The following MYO9A variants were observed in gnomAD, a reference collection of about 807,000 sequenced individuals.
MYO9A encodes the protein myosin IXA, also known as unconventional myosin-IXa.
In MYO9A, 103 loss-of-function variants were observed where a neutral mutation model predicts 293.3. The ratio of observed to expected loss-of-function variants is 0.35; its 90% confidence interval spans 0.30 to 0.41. MYO9A has a LOEUF of 0.41. Ranked by LOEUF, MYO9A falls within the 10% of genes least tolerant of loss-of-function variation. MYO9A has a pLI of 1.00. For missense variants in MYO9A, 2,685 were observed against 3,033.0 expected (o/e 0.89, Z 2.69); for synonymous variants, 1,001 against 1,035.7 (o/e 0.97, Z 0.64).
At position 71,967,992 on chromosome 15, in the gene MYO9A, C is replaced by T. The variant is rs762810175; in HGVS notation, c.1978G>A (p.Gly660Arg). 6.2e-7 allele frequency: 1 copy of T among 1,609,326 alleles called. No homozygotes were observed. Among genetic ancestry groups the T allele is most frequent in the South Asian group, 1.1e-5 (1 of 90,138 alleles). Residue 660 changes from glycine (G) to arginine (R), a missense_variant, in exon 13 of 42, where the codon GGG becomes AGG. Coordinates refer to ENST00000356056, the MANE Select transcript of MYO9A (RefSeq NM_006901.4). The stretch of plus-strand genomic sequence containing the variant: ...GTGAGAAATTTACTGACCTTTACCC[C>T]ATATTTTACTTTTCCAGCATAATGT... ...IKHYAGKVKY[G>R]VKDFREKNTD...
At chr15:71,985,306 CTGAG>C (rs1044936048) in intron 11 of MYO9A, among the ~76,000 whole-genome samples, 34 of 152,112 alleles carry the variant, frequency 2.2e-4, no homozygotes, top group Non-Finnish European at 3.5e-4. Context: ...CTGTTTTGGA[CTGAG>C]TGTTAGATCC....
intron 11 of MYO9A, among the ~76,000 whole-genome samples, chr15:71,978,946 A>T (rs2076208516): frequency 6.6e-6 from 1 of 151,740 alleles, no homozygotes; most frequent in South Asian, 2.1e-4. Context: ...CACTTTTTAG[A>T]TGGTTTTTTT....
intron 40 of MYO9A, 65 bp from the exon 41 acceptor site, chr15:71,828,091 A>C: frequency 3.3e-6 from 5 of 1,535,830 alleles, no homozygotes; most frequent in Non-Finnish European, 4.4e-6. Context: ...AACAGAAAAA[A>C]AGATCCTCCA....
Position 72,046,272 on chromosome 15 carries a change from A to G in MYO9A, c.292T>C (p.Leu98=). The G allele has an allele frequency of 3.1e-6, 5 of 1,614,018 alleles. No homozygotes were observed. The highest frequency in any genetic ancestry group is 4.2e-6 in the Non-Finnish European group (5 of 1,179,912). ...LWPRMALENR[L]SGEDYRFLLR... is the part of the protein sequence containing the mutation. ...AGGAAGCGGTAGTCCTCTCCACTTA[A>G]GCGATTTTCCAGAGCCATTCGGGGC... The change falls in exon 2 of 42, where the codon TTA becomes CTA. Residue 98 remains leucine, a synonymous_variant. Transcript: ENST00000356056.
intron 39 of MYO9A, among the ~76,000 whole-genome samples, chr15:71,842,200 C>T (rs2055190083): frequency 1.3e-5 from 2 of 150,904 alleles, no homozygotes; most frequent in African/African-American, 2.5e-5. Context: ...AGGCAAAACC[C>T]CATCTCTACT....
At chr15:72,113,410 A>C (rs2151175407) in intron 1 of MYO9A, among the ~76,000 whole-genome samples, 1 of 152,346 alleles carries the variant, frequency 6.6e-6, no homozygotes, top group South Asian at 2.1e-4. Flanking sequence ...AAAGCACATT[A>C]CCTGAGAGGA....
Position 71,984,072 on chromosome 15 carries a change from T to C in MYO9A, c.1723-5780A>G, listed in dbSNP as rs145154694. On this transcript the variant is annotated intron_variant, in intron 11 of 41. Transcript: ENST00000356056. Reference sequence around the variant, plus strand: ...ACGATGATTCAACTTTACAATGGGGTGAAACTGTCATAATTTCTGCAGACT... The same window carrying C: ...ACGATGATTCAACTTTACAATGGGGCGAAACTGTCATAATTTCTGCAGACT... Among the ~76,000 whole-genome samples, 483 of 152,312 alleles carry C rather than the reference T, an allele frequency of 3.2e-3. 4 individuals are homozygous for C. Among genetic ancestry groups the C allele is most frequent in the African/African-American group, 0.011 (468 of 41,582 alleles).
chr15:72,074,855 T>C (rs1014328809), intron 1 of MYO9A, among the ~76,000 whole-genome samples: 7 of 151,660 alleles, frequency 4.6e-5, no homozygotes, highest in African/African-American at 1.7e-4. Context: ...CTCAATTCCA[T>C]GTCAGAATTA....
In MYO9A at chr15:71,822,701, G is replaced by A. The variant is rs1310333509; in HGVS notation, c.*3879C>T. On this transcript the variant is annotated 3_prime_UTR_variant, in exon 42 of 42. Coordinates refer to ENST00000356056, the MANE Select transcript of MYO9A (RefSeq NM_006901.4). ...TTCCCATAGTAAATACAAATACTTG[G>A]TTCAAAAGGTGCAACTTTTATATGA... 6.6e-6 allele frequency: 1 copy of A among 152,030 alleles called. No homozygotes were observed. Among genetic ancestry groups the A allele is most frequent in the Non-Finnish European group, 1.5e-5 (1 of 68,012 alleles). 9.4% of individuals were successfully genotyped at this position (152,030 alleles called of 1,614,324 possible).
At chr15:71,834,762 G>C (rs2140808119) in intron 39 of MYO9A, among the ~76,000 whole-genome samples, 1 of 152,162 alleles carries the variant, frequency 6.6e-6, no homozygotes, top group South Asian at 2.1e-4. Flanking sequence ...GTGAGAGCCT[G>C]TCTCAAAACA....
At chr15:71,982,369 T>C (rs529245526) in intron 11 of MYO9A, among the ~76,000 whole-genome samples, 15 of 152,160 alleles carry the variant, frequency 9.9e-5, no homozygotes, top group Non-Finnish European at 2.2e-4. Flanking sequence ...AGTTATTTTT[T>C]AGTTACTGAT....
intron 39 of MYO9A, among the ~76,000 whole-genome samples, chr15:71,846,394 C>A (rs960283653): frequency 1.3e-5 from 2 of 152,158 alleles, no homozygotes; most frequent in Non-Finnish European, 2.9e-5. Flanking sequence ...AAGTGTCTGA[C>A]AAACAGAAAT....
chr15:72,024,221 G>C (rs978813223), intron 4 of MYO9A, among the ~76,000 whole-genome samples: 3 of 152,118 alleles, frequency 2.0e-5, no homozygotes, highest in African/African-American at 7.2e-5. Flanking sequence ...TAAACATGAA[G>C]AAATAAAGAA....
intron 39 of MYO9A, chr15:71,847,353 C>T: frequency 2.4e-6 from 1 of 408,374 alleles, no homozygotes; most frequent in Non-Finnish European, 5.2e-6. Flanking sequence ...CGGAACAATT[C>T]CTGGATGAAC....
intron 1 of MYO9A, among the ~76,000 whole-genome samples, chr15:72,076,302 C>T (rs1409212483): frequency 7.8e-6 from 1 of 128,546 alleles, no homozygotes; most frequent in East Asian, 2.2e-4. Flanking sequence ...GAGACTCTGT[C>T]TCAAAAAAAA....
chr15:71,957,716 TG>T (rs1441832876), intron 14 of MYO9A, among the ~76,000 whole-genome samples: 1 of 152,160 alleles, frequency 6.6e-6, no homozygotes, highest in African/African-American at 2.4e-5. Flanking sequence ...ACAGGTTCTG[TG>T]GAAAACCTTG....
rs2078603757 is a variant in MYO9A at position 72,052,740 on chromosome 15, C to A, written c.-71-6106G>T. On this transcript the variant is annotated intron_variant, in intron 1 of 41. Transcript: ENST00000356056. Reference sequence around the variant, plus strand: ...CCACAGCCTTGCAAGGAAGCCAGCGCCTATGCCAGCACCCGGAGCTGCCTG... The same window carrying A: ...CCACAGCCTTGCAAGGAAGCCAGCGACTATGCCAGCACCCGGAGCTGCCTG... Among the ~76,000 whole-genome samples the A allele has an allele frequency of 2.0e-5, 3 of 152,196 alleles. No homozygotes were observed. The South Asian group carries it at 6.2e-4, about 31-fold the overall frequency.
Position 71,826,946 on chromosome 15 carries a change from A to C in MYO9A, c.7281T>G (p.Asp2427Glu). Residue 2427 changes from aspartate (D) to glutamate (E), a missense_variant, in exon 42 of 42, where the codon GAT (aspartate) becomes GAG (glutamate). Transcript: ENST00000356056. ...AAGAGGAGACCGAAGAGTCCACGAC[A>C]TCTAAAGAGTCTTGCTGCTTTTTAA... ...KQLKKQQDSL[D>E]VVDSSVSSLC... 6.2e-7 allele frequency: 1 copy of C among 1,614,026 alleles called. No individual in the cohort carries two copies. Among genetic ancestry groups the C allele is most frequent in the Non-Finnish European group, 8.5e-7 (1 of 1,179,940 alleles).
chr15:71,896,393 A>T (rs2057327702), intron 25 of MYO9A, among the ~76,000 whole-genome samples: 1 of 152,216 alleles, frequency 6.6e-6, no homozygotes, highest in African/African-American at 2.4e-5. Context: ...TATAAAGATA[A>T]TACAAGTATC....
Sources: allele counts gnomAD v4.1 joint callset (sites outside exome capture counted in the v4.1 genomes callset), GRCh38; gene constraint gnomAD v4.1.1; transcripts MANE v1.5; gene names NCBI Gene and HGNC (gene_info 2026-07-23, HGNC 2026-07-21).